PSG5: variants seen among roughly 807,000 people sequenced by gnomAD.
PSG5 encodes pregnancy specific beta-1-glycoprotein 5.
Under a neutral mutation model 37.7 loss-of-function variants are expected in PSG5, and 53 were observed. That is an observed-to-expected ratio of 1.41 (90% CI 1.13 to 1.77). The LOEUF is 1.77. Among genes scored for constraint, PSG5 ranks in the 40% most tolerant of loss-of-function variants. The pLI is 0.00. For missense variants in PSG5, 547 were observed against 405.2 expected (o/e 1.35, Z -3.00); for synonymous variants, 221 against 155.4 (o/e 1.42, Z -3.14).
intron 2 of PSG5, among the ~76,000 whole-genome samples, chr19:43,178,454 G>T (rs1969057358): frequency 6.6e-6 from 1 of 151,740 alleles, no homozygotes; most frequent in South Asian, 2.1e-4. Context: ...GTATGAGGAA[G>T]AAATGGTGGG....
chr19:43,169,476 G>A (rs1968857590), intron 5 of PSG5, among the ~76,000 whole-genome samples: 2 of 151,618 alleles, frequency 1.3e-5, no homozygotes, highest in South Asian at 4.1e-4. Context: ...GTCTATATGG[G>A]TGAAGGGGCA....
At chr19:43,170,516 A>G (rs1968883679) in intron 4 of PSG5, 3 of 445,814 alleles carry the variant, frequency 6.7e-6, no homozygotes, top group Admixed American at 5.6e-5. Flanking sequence ...TCAGGTCTCC[A>G]TGGCAGGGAG....
intron 5 of PSG5, 187 bp downstream of exon 5, chr19:43,169,868 G>A: frequency 2.5e-6 from 1 of 396,396 alleles, no homozygotes; most frequent in Non-Finnish European, 4.9e-6. Context: ...ATGTCTAAAA[G>A]ACAGTGGGGT....
intron 1 of PSG5, 148 bp from the exon 2 acceptor site, chr19:43,185,295 T>G (rs1599757455): frequency 2.5e-6 from 3 of 1,208,384 alleles, no homozygotes; most frequent in Non-Finnish European, 2.3e-6. Flanking sequence ...AGGTGCATGT[T>G]AGTTTGTGTG....
intron 2 of PSG5, among the ~76,000 whole-genome samples, chr19:43,178,255 T>C (rs2122223226): frequency 6.6e-6 from 1 of 151,722 alleles, no homozygotes; most frequent in Non-Finnish European, 1.5e-5. Context: ...GATTATGAGA[T>C]TTGTTCCATC....
rs1058259 is a variant in PSG5 at position 43,176,117 on chromosome 19, G to C, written c.462C>G (p.Asn154Lys). Residue 154 changes from asparagine (N) to lysine (K), a missense_variant, in exon 3 of 6, where the codon AAC (asparagine) becomes AAG (lysine). Transcript: ENST00000342951. Reference sequence around the variant, plus strand: ...CCTTATTCTCCCTGGGTTTTGAGTTGTTGATGGTGATGTAGGGCTTGGGCA... The same window carrying C: ...CCTTATTCTCCCTGGGTTTTGAGTTCTTGATGGTGATGTAGGGCTTGGGCA... Reference protein sequence around the residue: ...LKLPKPYITINNSKPRENKDV... With the variant: ...LKLPKPYITIKNSKPRENKDV... The C allele has an allele frequency of 0.24, 379,336 of 1,610,694 alleles. 53,096 individuals carry two copies. Among genetic ancestry groups the C allele is most frequent in the Non-Finnish European group, 0.27 (315,472 of 1,178,870 alleles).
At chr19:43,182,194 A>T (rs2190838) in intron 2 of PSG5, among the ~76,000 whole-genome samples, 101,992 of 151,410 alleles carry the variant, frequency 0.67, 35,628 homozygotes, top group East Asian at 0.98. Flanking sequence ...TTGCCCAGGG[A>T]TGGCCTTTGT....
rs1329988537 is a variant in PSG5, at chr19:43,186,408, T to C, written c.-3A>G. On this transcript the variant is annotated 5_prime_UTR_variant, in exon 1 of 6. Coordinates refer to ENST00000342951, the MANE Select transcript of PSG5 (RefSeq NM_002781.4). ...GGAGGGGCTGAGAGGGGCCCCATGG[T>C]CTCTGCGCCTGCGTGTTCTCCTCTG... The C allele has an allele frequency of 6.2e-7, 1 of 1,612,166 alleles. No individual in the cohort carries two copies. Among genetic ancestry groups the C allele is most frequent in the Admixed American group, 1.7e-5 (1 of 59,878 alleles).
rs1029673818 is a variant in PSG5 at position 43,182,206 on chromosome 19, A to G, written c.430+2576T>C. Among the ~76,000 whole-genome samples, 10 of 151,722 alleles carry G rather than the reference A, an allele frequency of 6.6e-5. 2 individuals are homozygous for G. Among genetic ancestry groups the G allele is most frequent in the African/African-American group, 2.4e-4 (10 of 41,200 alleles). ...ACTTTGCCCAGGGATGGCCTTTGTCAAACTAGTGAAAGACCATGAGATTAA... is the reference window on the plus strand; with the variant it reads ...ACTTTGCCCAGGGATGGCCTTTGTCGAACTAGTGAAAGACCATGAGATTAA... On this transcript the variant is annotated intron_variant, in intron 2 of 5. Transcript: ENST00000342951.
Position 43,186,434 on chromosome 19 carries a change from T to A in PSG5, c.-29A>T. On this transcript the variant is annotated 5_prime_UTR_variant, in exon 1 of 6. Transcript: ENST00000342951. Reference sequence around the variant, plus strand: ...CTCTGCGCCTGCGTGTTCTCCTCTGTGGAGCTGAGCCTAGGATCCAGAAAC... The same window carrying A: ...CTCTGCGCCTGCGTGTTCTCCTCTGAGGAGCTGAGCCTAGGATCCAGAAAC... 5 of 1,611,338 alleles carry A rather than the reference T, an allele frequency of 3.1e-6. No individual in the cohort carries two copies. Among genetic ancestry groups the A allele is most frequent in the Non-Finnish European group, 4.2e-6 (5 of 1,178,370 alleles).
rs746325160 is a variant in PSG5 at position 43,175,462 on chromosome 19, TGGACCATCTG to T, written c.710-3_716del. 3.7e-6 allele frequency: 6 copies of T among 1,606,472 alleles called. No homozygotes were observed. In the Admixed American group the frequency reaches 1.0e-4, roughly 27 times the overall value. On this transcript the variant is annotated splice_acceptor_variant and splice_polypyrimidine_tract_variant and coding_sequence_variant and intron_variant, in exon 4 of 6. Transcript: ENST00000342951. LOFTEE classifies it high-confidence loss of function. The stretch of plus-strand genomic sequence containing the variant: ...ATGAAGGGTAAATGCTGGGGAGGTC[TGGACCATCTG>T]GAGCAAAGAGAATGAAGCCACAGGT...
At chr19:43,174,870 G>C in intron 4 of PSG5, 1 of 1,186,264 alleles carries the variant, frequency 8.4e-7, no homozygotes, top group Non-Finnish European at 1.1e-6. Flanking sequence ...AGGAAACAAA[G>C]ACATGGCAGA....
intron 2 of PSG5, chr19:43,179,137 T>G (rs751966451): frequency 3.1e-6 from 5 of 1,597,684 alleles, no homozygotes; most frequent in Non-Finnish European, 1.7e-6. Context: ...CTACTGGAGA[T>G]GGAGGGCTTG....
chr19:43,181,122 T>G (rs914814143), intron 2 of PSG5, among the ~76,000 whole-genome samples: 1 of 151,600 alleles, frequency 6.6e-6, no homozygotes, highest in African/African-American at 2.4e-5. Context: ...AATGGCATCA[T>G]CATGAGGAAA....
chr19:43,183,991 C>T (rs1296526879), intron 2 of PSG5, among the ~76,000 whole-genome samples: 5 of 151,718 alleles, frequency 3.3e-5, no homozygotes, highest in African/African-American at 9.7e-5. Flanking sequence ...AGGTTTCACA[C>T]AAACAGCATT....
At chr19:43,168,914 G>A (rs1489322099) in intron 5 of PSG5, among the ~76,000 whole-genome samples, 4 of 151,490 alleles carry the variant, frequency 2.6e-5, no homozygotes, top group Non-Finnish European at 5.9e-5. Context: ...AGTACTTCTA[G>A]CTGAAAATCA....
intron 2 of PSG5, among the ~76,000 whole-genome samples, chr19:43,181,138 T>G (rs182562484): frequency 8.6e-5 from 13 of 151,674 alleles, no homozygotes; most frequent in South Asian, 2.1e-4. Flanking sequence ...GGAAACAGTT[T>G]TATGTGGCAC....
intron 2 of PSG5, 35 bp downstream of exon 2, chr19:43,184,747 C>T (rs1416625596): frequency 4.3e-5 from 41 of 963,054 alleles, no homozygotes; most frequent in Non-Finnish European, 5.9e-5. Flanking sequence ...TGACCCCTGT[C>T]CCCCAACACC....
At chr19:43,177,517 T>C (rs1229614088) in intron 2 of PSG5, among the ~76,000 whole-genome samples, 1 of 151,350 alleles carries the variant, frequency 6.6e-6, no homozygotes, top group Non-Finnish European at 1.5e-5. Context: ...CTTTTTTTTT[T>C]TTATCTCACC....
Sources: gnomAD v4.1 joint callset for allele counts (sites outside exome capture counted in the v4.1 genomes callset) on GRCh38, gnomAD v4.1.1 for gene constraint, MANE v1.5 for transcripts, NCBI Gene and HGNC (gene_info 2026-07-23, HGNC 2026-07-21) for gene names.